The following IGSF5 variants were observed in gnomAD, a reference collection of about 807,000 sequenced individuals.
IGSF5 encodes the protein immunoglobulin superfamily member 5.
Under a neutral mutation model 39.4 loss-of-function variants are expected in IGSF5, and 41 were observed. The ratio of observed to expected loss-of-function variants is 1.04; its 90% CI spans 0.81 to 1.35. IGSF5 has a LOEUF of 1.35. IGSF5 is among the 40% of genes most tolerant of loss of function. The pLI is 0.00. For missense variants in IGSF5, 487 were observed against 494.6 expected (o/e 0.98, Z 0.15); for synonymous variants, 183 against 175.3 (o/e 1.04, Z -0.34).
intron 2 of IGSF5, among the ~76,000 whole-genome samples, chr21:39,764,078 C>T (rs528295270): frequency 2.6e-4 from 39 of 152,200 alleles, no homozygotes; most frequent in Non-Finnish European, 4.0e-4. Flanking sequence ...GAACTCTCAC[C>T]TTCTTCAGTT....
In IGSF5 at chr21:39,771,228, A is replaced by T. The variant is rs2080113181; in HGVS notation, c.718+13A>T. 1 of 1,528,732 alleles carries T rather than the reference A, an allele frequency of 6.5e-7. No individual in the cohort carries two copies. Among genetic ancestry groups the T allele is most frequent in the African/African-American group, 1.4e-5 (1 of 72,148 alleles). The allele number at this position is 1,528,732 out of a possible 1,614,324, so 94.7% of individuals were successfully genotyped here. ...CGGTGTCCCCAAGGTAAGTGAAGACATTCTGCTTTATATGAAATGAATGAT... is the reference window on the plus strand; with the variant it reads ...CGGTGTCCCCAAGGTAAGTGAAGACTTTCTGCTTTATATGAAATGAATGAT... On this transcript the variant is annotated intron_variant, in intron 4 of 8. Coordinates refer to ENST00000380588, the MANE Select transcript of IGSF5 (RefSeq NM_001080444.2).
At chr21:39,762,494 G>A (rs994244713) in intron 2 of IGSF5, among the ~76,000 whole-genome samples, 4 of 152,278 alleles carry the variant, frequency 2.6e-5, no homozygotes, top group East Asian at 1.9e-4. Context: ...GGCGACCAGG[G>A]TTCCGATTAT....
the IGSF5 span, among the ~76,000 whole-genome samples, chr21:39,724,619 C>T: frequency 6.6e-6 from 1 of 152,168 alleles, no homozygotes; most frequent in African/African-American, 2.4e-5. Context: ...GTGAGGCTTC[C>T]CCAGCCACAT....
In IGSF5 at chr21:39,779,227, CGCT is replaced by C. The variant is rs530090000; in HGVS notation, c.868_870del (p.Cys290del). 3.7e-6 allele frequency: 6 copies of C among 1,613,692 alleles called. No homozygotes were observed. The highest frequency in any genetic ancestry group is 2.7e-5 in the African/African-American group (2 of 75,024). On this transcript the variant is annotated inframe_deletion, in exon 5 of 9. Transcript: ENST00000380588. ...GACGCCGACGTGTACTCTTACAATA[CGCT>C]GCTGCTGCTGCCGCCGTCGTTGTTG...
At chr21:39,756,486 A>G (rs1215757936) in intron 2 of IGSF5, among the ~76,000 whole-genome samples, 1 of 152,198 alleles carries the variant, frequency 6.6e-6, no homozygotes, top group Non-Finnish European at 1.5e-5. Context: ...TTGTCAGCAC[A>G]TTATAAAGTC....
the IGSF5 span, among the ~76,000 whole-genome samples, chr21:39,728,376 G>A: frequency 6.6e-6 from 1 of 152,160 alleles, no homozygotes; most frequent in African/African-American, 2.4e-5. Context: ...AGGGATTGGA[G>A]TGATGCAGCT....
intron 2 of IGSF5, among the ~76,000 whole-genome samples, chr21:39,759,673 T>C (rs1486797199): frequency 6.6e-6 from 1 of 151,998 alleles, no homozygotes; most frequent in Non-Finnish European, 1.5e-5. Flanking sequence ...GAGACCATCC[T>C]GGCTAACATG....
rs111477785 is a variant in IGSF5 at position 39,765,639 on chromosome 21, A to C, written c.205A>C (p.Ile69Leu). 129 of 1,613,890 alleles carry C rather than the reference A, an allele frequency of 8.0e-5. 1 individual carries two copies. In the African/African-American group the frequency reaches 1.3e-3, roughly 17 times the overall value. Residue 69 changes from isoleucine to leucine, a missense_variant, in exon 3 of 9, where the codon ATC (isoleucine) becomes CTC (leucine). Ile to Leu is a conservative substitution (Grantham distance 5). Coordinates refer to ENST00000380588, the MANE Select transcript of IGSF5 (RefSeq NM_001080444.2). Reference sequence around the variant, plus strand: ...CACCGTCTCCCAGGGCTGGAAGCTCATCATGTGGGCTCTCAGTGACATGGT... The same window carrying C: ...CACCGTCTCCCAGGGCTGGAAGCTCCTCATGTGGGCTCTCAGTGACATGGT... ...NCTVSQGWKL[I>L]MWALSDMVVL...
chr21:39,727,757 G>C, the IGSF5 span: 1 of 148,968 alleles, frequency 6.7e-6, no homozygotes, highest in Non-Finnish European at 1.5e-5. Context: ...AGAAGAACGA[G>C]GGGGGGAGCT....
chr21:39,796,174 C>T (rs2086995199), intron 8 of IGSF5, among the ~76,000 whole-genome samples: 1 of 152,136 alleles, frequency 6.6e-6, no homozygotes, highest in Non-Finnish European at 1.5e-5. Flanking sequence ...CACAGCCGTT[C>T]CCTTCCATTT....
At chr21:39,750,058 G>A (rs190563404) in intron 2 of IGSF5, among the ~76,000 whole-genome samples, 186 of 152,304 alleles carry the variant, frequency 1.2e-3, no homozygotes, top group African/African-American at 4.4e-3. Context: ...GAGGTATGCA[G>A]CTTTTTCATC....
intron 6 of IGSF5, among the ~76,000 whole-genome samples, chr21:39,789,605 T>TATGTA (rs2086948903): frequency 6.6e-6 from 1 of 152,180 alleles, no homozygotes; most frequent in African/African-American, 2.4e-5. Context: ...ATTAAAATTA[T>TATGTA]ATGTATATAG....
the IGSF5 span, among the ~76,000 whole-genome samples, chr21:39,723,324 A>C: frequency 2.6e-5 from 4 of 152,302 alleles, no homozygotes; most frequent in Admixed American, 2.6e-4. Flanking sequence ...ATTGCTTGCC[A>C]TGTGGGTGTC....
chr21:39,732,353 A>T, the IGSF5 span, among the ~76,000 whole-genome samples: 2 of 152,230 alleles, frequency 1.3e-5, no homozygotes, highest in Non-Finnish European at 2.9e-5. Flanking sequence ...TGTCCAGGAT[A>T]ACTTAAATGA....
intron 2 of IGSF5, among the ~76,000 whole-genome samples, chr21:39,748,060 G>C (rs919590985): frequency 5.3e-5 from 8 of 152,030 alleles, no homozygotes; most frequent in African/African-American, 1.9e-4. Flanking sequence ...GCCATTTTCT[G>C]TGGAGGGAGA....
chr21:39,717,913 C>A, the IGSF5 span, among the ~76,000 whole-genome samples: 2 of 152,114 alleles, frequency 1.3e-5, no homozygotes, highest in African/African-American at 4.8e-5. Context: ...AACATTGAAT[C>A]TGTAAATTGC....
chr21:39,722,649 A>T, the IGSF5 span: 2 of 152,176 alleles, frequency 1.3e-5, no homozygotes, highest in African/African-American at 4.8e-5. Flanking sequence ...ACCTAACGAC[A>T]CCAACAATAT....
chr21:39,749,409 C>T (rs574995476), intron 2 of IGSF5, among the ~76,000 whole-genome samples: 3 of 152,266 alleles, frequency 2.0e-5, no homozygotes, highest in Admixed American at 6.5e-5. Flanking sequence ...GACAGAATTT[C>T]GCCATGTTGG....
At chr21:39,799,040 G>A (rs1191239645) in intron 8 of IGSF5, among the ~76,000 whole-genome samples, 1 of 152,144 alleles carries the variant, frequency 6.6e-6, no homozygotes, top group Non-Finnish European at 1.5e-5. Flanking sequence ...AGGTCCTCAG[G>A]GGGACGCTGG....
Sources: allele counts gnomAD v4.1 joint callset (sites outside exome capture counted in the v4.1 genomes callset), GRCh38; gene constraint gnomAD v4.1.1; transcripts MANE v1.5; gene names NCBI Gene and HGNC (gene_info 2026-07-23, HGNC 2026-07-21).